ST6GAL1: variants seen among roughly 807,000 people sequenced by gnomAD.
The protein encoded by ST6GAL1 is beta-galactoside alpha-2,6-sialyltransferase 1.
A neutral mutation model predicts 38.0 loss-of-function variants in ST6GAL1; 20 were observed. That is an observed-to-expected ratio of 0.53 (90% CI 0.37 to 0.77). The LOEUF (loss-of-function observed/expected upper bound fraction) is 0.77, where lower values mean the gene tolerates loss of function less well. Among genes scored for constraint, ST6GAL1 ranks in the 30% least tolerant of loss-of-function variants. The pLI is 0.00. For synonymous variants in ST6GAL1, 196 were observed against 188.2 expected, an observed-to-expected ratio of 1.04 and a Z score of -0.34; for missense variants, 432 against 496.4, an observed-to-expected ratio of 0.87 and a Z score of 1.23.
intron 3 of ST6GAL1, among the ~76,000 whole-genome samples, chr3:187,040,740 T>C (rs1026293476): frequency 1.3e-5 from 2 of 152,218 alleles, no homozygotes; most frequent in Non-Finnish European, 2.9e-5. Context: ...AATTCCTTAG[T>C]TTCTGGTAAT....
intron 2 of ST6GAL1, among the ~76,000 whole-genome samples, chr3:186,989,260 C>T (rs1716068265): frequency 6.6e-6 from 1 of 152,060 alleles, no homozygotes; most frequent in Non-Finnish European, 1.5e-5. Context: ...TAGAAGAGTG[C>T]CATAGTCTTA....
chr3:186,998,151 A>G (rs1716483358), intron 2 of ST6GAL1, among the ~76,000 whole-genome samples: 1 of 152,186 alleles, frequency 6.6e-6, no homozygotes, highest in Non-Finnish European at 1.5e-5. Flanking sequence ...TTTAAACAAC[A>G]TAGAACTACA....
chr3:186,981,331 A>AC (rs1243763320), intron 2 of ST6GAL1, among the ~76,000 whole-genome samples: 1 of 152,206 alleles, frequency 6.6e-6, no homozygotes, highest in Non-Finnish European at 1.5e-5. Context: ...GCCTCTAGTT[A>AC]CATTTTACTG....
At chr3:186,998,344 T>G (rs1274433210) in intron 2 of ST6GAL1, among the ~76,000 whole-genome samples, 1 of 152,218 alleles carries the variant, frequency 6.6e-6, no homozygotes, top group Non-Finnish European at 1.5e-5. Flanking sequence ...GATGAACACA[T>G]ATTTTATATG....
intron 2 of ST6GAL1, among the ~76,000 whole-genome samples, chr3:186,967,103 A>G (rs115014183): frequency 1.1e-3 from 166 of 152,304 alleles, no homozygotes; most frequent in Non-Finnish European, 8.8e-4. Flanking sequence ...ACTCATGTCC[A>G]GCCTTTCCTT....
rs368077928 is a variant in ST6GAL1, at chr3:187,043,447, T to A, written c.607+137T>A. The A allele has an allele frequency of 3.1e-5, 40 of 1,292,964 alleles. No homozygotes were observed. In the African/African-American group the frequency reaches 3.7e-4, roughly 12 times the overall value. 80.1% of individuals were successfully genotyped at this position (1,292,964 alleles called of 1,614,324 possible). ...GCCCAGGGCAGTGTTTTTTTCAGAG[T>A]CACAAGTGACACAGAGGGAGTTGAA... is the stretch of plus-strand genomic sequence containing the variant. On this transcript the variant is annotated intron_variant, in intron 4 of 7. Transcript: ENST00000169298.
At chr3:186,970,661 C>A (rs775878431) in intron 2 of ST6GAL1, among the ~76,000 whole-genome samples, 82 of 152,208 alleles carry the variant, frequency 5.4e-4, no homozygotes, top group African/African-American at 9.4e-4. Context: ...AATATACAAC[C>A]TTTTGAGGTT....
chr3:187,067,564 G>A (rs1462509939), intron 5 of ST6GAL1, among the ~76,000 whole-genome samples: 1 of 151,886 alleles, frequency 6.6e-6, no homozygotes, highest in Non-Finnish European at 1.5e-5. Context: ...TCTCTTCTCT[G>A]GATAAAACTA....
chr3:187,029,670 A>G (rs1717671675), intron 2 of ST6GAL1, among the ~76,000 whole-genome samples: 1 of 152,194 alleles, frequency 6.6e-6, no homozygotes, highest in Non-Finnish European at 1.5e-5. Context: ...GAAATCAGTA[A>G]GCATTGTTGT....
At chr3:187,006,502 C>G (rs577134458) in intron 2 of ST6GAL1, 1 of 152,186 alleles carries the variant, frequency 6.6e-6, no homozygotes, top group Non-Finnish European at 1.5e-5. Flanking sequence ...TGTAGAGTTA[C>G]GGCAACCTGT....
chr3:187,063,627 T>C (rs1018419995), intron 5 of ST6GAL1, among the ~76,000 whole-genome samples: 13 of 152,184 alleles, frequency 8.5e-5, no homozygotes, highest in South Asian at 6.2e-4. Context: ...CTGAGCACTC[T>C]CTTGGACTGC....
At chr3:186,988,829 G>A (rs113811592) in intron 2 of ST6GAL1, among the ~76,000 whole-genome samples, 12,287 of 152,126 alleles carry the variant, frequency 0.081, 537 homozygotes, top group South Asian at 0.13. Context: ...TGGAAGGATG[G>A]CTTGAGTCCG....
At chr3:187,038,080 C>T (rs943919985) in intron 2 of ST6GAL1, among the ~76,000 whole-genome samples, 1 of 151,868 alleles carries the variant, frequency 6.6e-6, no homozygotes, top group African/African-American at 2.4e-5. Context: ...TCAGGATGGA[C>T]CTAATTACTC....
intron 1 of ST6GAL1, among the ~76,000 whole-genome samples, chr3:186,935,325 A>G (rs1056672741): frequency 3.9e-5 from 6 of 152,300 alleles, no homozygotes; most frequent in African/African-American, 1.4e-4. Context: ...CTGTTCCTGC[A>G]GAGGATATGA....
At chr3:187,017,692 A>T (rs934193352) in intron 2 of ST6GAL1, among the ~76,000 whole-genome samples, 1 of 152,188 alleles carries the variant, frequency 6.6e-6, no homozygotes, top group Non-Finnish European at 1.5e-5. Flanking sequence ...GTTGCACTTC[A>T]GTGATTCTGG....
intron 2 of ST6GAL1, among the ~76,000 whole-genome samples, chr3:186,982,750 C>T (rs188925369): frequency 1.1e-4 from 16 of 151,378 alleles, no homozygotes; most frequent in Non-Finnish European, 1.5e-4. Flanking sequence ...GGTGTGATCT[C>T]GGCTCACTGC....
chr3:186,970,696 C>T (rs1463756848), intron 2 of ST6GAL1, among the ~76,000 whole-genome samples: 1 of 152,070 alleles, frequency 6.6e-6, no homozygotes, highest in Non-Finnish European at 1.5e-5. Flanking sequence ...CATCATAATG[C>T]CCTTCAGGTC....
In ST6GAL1 at chr3:187,042,692, CA is replaced by C; in HGVS notation, c.-11del. 1.3e-6 allele frequency: 2 copies of C among 1,595,066 alleles called. No homozygotes were observed. The highest frequency in any genetic ancestry group is 2.3e-5 in the South Asian group (2 of 87,724). On this transcript the variant is annotated 5_prime_UTR_variant, in exon 4 of 8. Transcript: ENST00000169298. ...CTCAGAACAAAGTGACTTCCCTGAA[CA>C]CATCTTCATTATGATTCACACCAAC...
At chr3:186,962,317 T>C (rs147358058) in intron 1 of ST6GAL1, among the ~76,000 whole-genome samples, 186 of 152,296 alleles carry the variant, frequency 1.2e-3, no homozygotes, top group African/African-American at 4.3e-3. Context: ...GGTTTCTCTT[T>C]CTCTCCTTAC....
Sources: allele counts gnomAD v4.1 joint callset (sites outside exome capture counted in the v4.1 genomes callset), GRCh38; gene constraint gnomAD v4.1.1; transcripts MANE v1.5; gene names NCBI Gene and HGNC (gene_info 2026-07-23, HGNC 2026-07-21).